Variants in GLIS3 observed in about 807,000 individuals in gnomAD.
GLIS3 encodes GLIS family zinc finger 3, also known as zinc finger protein GLIS3.
A neutral mutation model predicts 78.6 loss-of-function variants in GLIS3; 53 were observed. The observed-to-expected ratio is 0.67, with a 90% CI of 0.54 to 0.85. The LOEUF is 0.85. GLIS3 is among the 40% of genes least tolerant of loss of function. GLIS3 has a pLI of 0.00. For missense variants in GLIS3, 1,703 were observed against 1,231.1 expected, an observed-to-expected ratio of 1.38 and a Z score of -5.74; for synonymous variants, 684 against 509.9, an observed-to-expected ratio of 1.34 and a Z score of -4.60.
intron 4 of GLIS3, among the ~76,000 whole-genome samples, chr9:4,065,883 A>T (rs1297056867): frequency 6.6e-6 from 1 of 152,184 alleles, no homozygotes; most frequent in African/African-American, 2.4e-5. Flanking sequence ...ATACAGGCTA[A>T]GAAGACCGTA....
At chr9:4,485,762 C>T in the GLIS3 span, among the ~76,000 whole-genome samples, 5 of 150,792 alleles carry the variant, frequency 3.3e-5, no homozygotes, top group Admixed American at 3.3e-4. Flanking sequence ...CTCTTGTTGC[C>T]CAGGCTGGAG....
intron 4 of GLIS3, among the ~76,000 whole-genome samples, chr9:4,004,831 G>C (rs73388248): frequency 4.6e-5 from 7 of 152,132 alleles, no homozygotes; most frequent in Non-Finnish European, 7.4e-5. Flanking sequence ...TCTCAATTTA[G>C]TAAACTTTAG....
chr9:4,025,663 G>T (rs1033739169), intron 4 of GLIS3, among the ~76,000 whole-genome samples: 1 of 152,144 alleles, frequency 6.6e-6, no homozygotes, highest in African/African-American at 2.4e-5. Context: ...TGGGATTACA[G>T]GTGTGAGCCA....
chr9:3,953,785 C>G (rs1278963189), intron 4 of GLIS3, among the ~76,000 whole-genome samples: 27 of 42,314 alleles, frequency 6.4e-4, no homozygotes, highest in African/African-American at 2.1e-3. Context: ...CTCTCTCTCT[C>G]TCTCTCTCTC....
intron 2 of GLIS3, among the ~76,000 whole-genome samples, chr9:4,333,735 G>GC (rs113612580): frequency 0.018 from 2,499 of 142,148 alleles, 66 homozygotes; most frequent in African/African-American, 0.054. Context: ...GCAATGTGAT[G>GC]CCCCCCCCCA....
At chr9:4,081,817 T>C (rs867884526) in intron 4 of GLIS3, among the ~76,000 whole-genome samples, 4 of 152,240 alleles carry the variant, frequency 2.6e-5, no homozygotes, top group Admixed American at 6.5e-5. Flanking sequence ...GAAGCCATTA[T>C]ATACAAGCAA....
chr9:3,914,737 A>G (rs1319764634), intron 6 of GLIS3, among the ~76,000 whole-genome samples: 1 of 152,192 alleles, frequency 6.6e-6, no homozygotes, highest in African/African-American at 2.4e-5. Flanking sequence ...GTCCCAAATT[A>G]TACATTCCAG....
At chr9:4,191,378 G>T (rs543337838) in intron 2 of GLIS3, among the ~76,000 whole-genome samples, 3 of 152,192 alleles carry the variant, frequency 2.0e-5, no homozygotes, top group African/African-American at 7.2e-5. Context: ...CATAAAAATC[G>T]TTATCATAAT....
intron 4 of GLIS3, among the ~76,000 whole-genome samples, chr9:4,007,661 C>T (rs1185029733): frequency 6.6e-6 from 1 of 151,964 alleles, no homozygotes; most frequent in Admixed American, 6.6e-5. Context: ...ATGAAATATA[C>T]CAATTTTTGT....
At chr9:4,020,123 TGA>T (rs1822761354) in intron 4 of GLIS3, among the ~76,000 whole-genome samples, 1 of 151,668 alleles carries the variant, frequency 6.6e-6, no homozygotes, top group Admixed American at 6.6e-5. Flanking sequence ...TTGAAGGAGG[TGA>T]GAGAGTCAGA....
At chr9:4,423,384 T>C in the GLIS3 span, among the ~76,000 whole-genome samples, 1 of 152,130 alleles carries the variant, frequency 6.6e-6, no homozygotes, top group Non-Finnish European at 1.5e-5. Flanking sequence ...ACAAGAGTTC[T>C]ACTCAACCCA....
At chr9:3,979,226 C>T (rs995698222) in intron 4 of GLIS3, among the ~76,000 whole-genome samples, 1 of 152,156 alleles carries the variant, frequency 6.6e-6, no homozygotes, top group Non-Finnish European at 1.5e-5. Flanking sequence ...CATTCAAATC[C>T]TCAATTCTAT....
chr9:4,333,253 A>AAAAGGGGAAGGAAAGGC (rs1554659432), intron 2 of GLIS3, among the ~76,000 whole-genome samples: 2 of 150,346 alleles, frequency 1.3e-5, no homozygotes, highest in East Asian at 3.9e-4. Flanking sequence ...GAAGGAAAGG[A>AAAAGGGGAAGGAAAGGC]AAGAAAAATG....
At chr9:3,898,588 A>C (rs1166199119) in intron 7 of GLIS3, 103 bp downstream of exon 7, 1 of 1,390,978 alleles carries the variant, frequency 7.2e-7, no homozygotes, top group African/African-American at 1.4e-5. Context: ...AGAACAACAC[A>C]GACGATCTTA....
intron 2 of GLIS3, among the ~76,000 whole-genome samples, chr9:4,204,758 C>CA (rs1321875129): frequency 1.3e-5 from 2 of 151,948 alleles, no homozygotes; most frequent in African/African-American, 4.8e-5. Context: ...TAGTAAAATA[C>CA]AAAAAATTAG....
chr9:4,470,832 C>T, the GLIS3 span, among the ~76,000 whole-genome samples: 1 of 151,870 alleles, frequency 6.6e-6, no homozygotes, highest in Admixed American at 6.6e-5. Flanking sequence ...TTGCAGATGA[C>T]ATGATTGTAT....
At chr9:4,434,756 A>G in the GLIS3 span, among the ~76,000 whole-genome samples, 19 of 152,146 alleles carry the variant, frequency 1.2e-4, no homozygotes, top group Non-Finnish European at 2.4e-4. Context: ...AAGACATTTA[A>G]CTTTTCTCAC....
chr9:4,101,992 T>C (rs548876560), intron 4 of GLIS3, among the ~76,000 whole-genome samples: 5 of 152,302 alleles, frequency 3.3e-5, no homozygotes, highest in Admixed American at 3.3e-4. Context: ...TATATTATGG[T>C]TTTAATATCA....
At chr9:3,973,379 T>G (rs1180338916) in intron 4 of GLIS3, among the ~76,000 whole-genome samples, 2 of 152,270 alleles carry the variant, frequency 1.3e-5, no homozygotes, top group East Asian at 3.9e-4. Context: ...CCACTCTAAA[T>G]TATATGGTTG....
Sources: allele counts gnomAD v4.1 joint callset (sites outside exome capture counted in the v4.1 genomes callset), GRCh38; gene constraint gnomAD v4.1.1; transcripts MANE v1.5; gene names NCBI Gene and HGNC (gene_info 2026-07-23, HGNC 2026-07-21).